Variants in HSPG2 observed in about 807,000 individuals in gnomAD.
The protein encoded by HSPG2 is basement membrane-specific heparan sulfate proteoglycan core protein.
HSPG2 carries 278 observed loss-of-function variants against 526.6 expected under a neutral mutation model. The observed-to-expected ratio is 0.53, with a 90% CI of 0.48 to 0.58. The LOEUF is 0.58. Ranked by LOEUF, HSPG2 falls within the 20% of genes least tolerant of loss-of-function variation. The pLI is 0.00. For synonymous variants in HSPG2, 2,465 were observed against 2,555.4 expected (o/e 0.96, Z 1.07); for missense variants, 5,354 against 6,099.5 (o/e 0.88, Z 4.07).
intron 1 of HSPG2, among the ~76,000 whole-genome samples, chr1:21,903,163 C>T (rs1253119160): frequency 1.3e-5 from 2 of 152,324 alleles, no homozygotes; most frequent in African/African-American, 4.8e-5. Flanking sequence ...CTCTAGTCCT[C>T]AGTTCCCATT....
rs938636799 is a variant in HSPG2 at position 21,888,213 on chromosome 1, C to T, written c.575-147G>A. ...AGGCACAACGAGGGCAAGCAGCACA[C>T]ACTAGACACATCCACAGCACACGTG... On this transcript the variant is annotated intron_variant, in intron 6 of 96. Transcript: ENST00000374695. The T allele has an allele frequency of 7.1e-5, 71 of 1,001,704 alleles. No individual in the cohort carries two copies. In the African/African-American group the frequency reaches 1.1e-3, roughly 15 times the overall value. 62.1% of individuals were successfully genotyped at this position (1,001,704 alleles called of 1,614,324 possible).
rs1639209093 is a variant in HSPG2, at chr1:21,854,842, C to A, written c.6133+6G>T. 1.3e-5 allele frequency: 21 copies of A among 1,613,776 alleles called. No individual in the cohort carries two copies. The highest frequency in any genetic ancestry group is 1.5e-5 in the Non-Finnish European group (18 of 1,179,874). Reference sequence around the variant, plus strand: ...CCCCACCCCTCCATTCCCAGAGAGTCCGTACCTGAAAGGACAACCACTTGG... The same window carrying A: ...CCCCACCCCTCCATTCCCAGAGAGTACGTACCTGAAAGGACAACCACTTGG... On this transcript the variant is annotated splice_donor_region_variant and intron_variant, in intron 48 of 96. Transcript: ENST00000374695.
At position 21,865,831 on chromosome 1, in the gene HSPG2, G is replaced by A. The variant is rs1640182736; in HGVS notation, c.4222-22C>T. 1.3e-6 allele frequency: 2 copies of A among 1,591,646 alleles called. No homozygotes were observed. The highest frequency in any genetic ancestry group is 2.7e-5 in the African/African-American group (2 of 74,496). On this transcript the variant is annotated intron_variant, in intron 33 of 96. Transcript: ENST00000374695. The surrounding 1 kb of genome is among the most constrained non-coding windows in gnomAD (Gnocchi z 5.4). ...CCACCTGCAAAGAGGCAAGCCCAGAGGTCACAGGCTGACCTTGGGGTGTGA... is the reference window on the plus strand; with the variant it reads ...CCACCTGCAAAGAGGCAAGCCCAGAAGTCACAGGCTGACCTTGGGGTGTGA...
At chr1:21,925,820 T>C (rs1644173752) in intron 1 of HSPG2, among the ~76,000 whole-genome samples, 1 of 151,920 alleles carries the variant, frequency 6.6e-6, no homozygotes, top group African/African-American at 2.4e-5. Flanking sequence ...CATTCCCAGG[T>C]GTGGCACGTA....
At chr1:21,829,855 G>A in intron 86 of HSPG2, 138 bp downstream of exon 86, 2 of 827,678 alleles carry the variant, frequency 2.4e-6, no homozygotes, top group South Asian at 3.0e-5. Context: ...GGGCAGACAT[G>A]TGGCCAGGTG....
At position 21,878,601 on chromosome 1, in the gene HSPG2, C is replaced by T. The variant is rs1203770836; in HGVS notation, c.2534G>A (p.Gly845Asp). ...CCTCTCACAGCGGCGGCCAGTGTAG[C>T]CTGGGGCACAGGCGTCACATGTGGC... Reference protein sequence around the residue: ...GQATCDACAPGYTGRRCESCA... With the variant: ...GQATCDACAPDYTGRRCESCA... The change falls in exon 19 of 97, where the codon GGC becomes GAC. Residue 845 changes from glycine to aspartate, a missense_variant. Transcript: ENST00000374695. 1.2e-6 allele frequency: 2 copies of T among 1,614,164 alleles called. No individual in the cohort carries two copies. Among genetic ancestry groups the T allele is most frequent in the East Asian group, 2.2e-5 (1 of 44,886 alleles).
At chr1:21,829,111 T>TGGGGGCACAC (rs1169409632) in intron 87 of HSPG2, 32 bp from the exon 88 acceptor site, 1 of 1,527,364 alleles carries the variant, frequency 6.5e-7, no homozygotes, top group African/African-American at 1.4e-5. Context: ...GTTGGGCACA[T>TGGGGGCACAC]GGGGGCACAC....
At position 21,835,535 on chromosome 1, in the gene HSPG2, C is replaced by A; in HGVS notation, c.10453+5G>T. The A allele has an allele frequency of 6.2e-7, 1 of 1,607,648 alleles. No homozygotes were observed. Among genetic ancestry groups the A allele is most frequent in the Non-Finnish European group, 8.5e-7 (1 of 1,174,190 alleles). On this transcript the variant is annotated splice_donor_5th_base_variant and intron_variant, in intron 76 of 96. Coordinates refer to ENST00000374695, the MANE Select transcript of HSPG2 (RefSeq NM_005529.7). Reference sequence around the variant, plus strand: ...CTTAGCAGAGGCCTGAAGCCACCCTCCTACCTTGGATAACCAGCTGGGCAC... The same window carrying A: ...CTTAGCAGAGGCCTGAAGCCACCCTACTACCTTGGATAACCAGCTGGGCAC...
At chr1:21,863,060 C>CAAAAACAAAAAAAAAAAAAAACA (rs1423127350) in intron 37 of HSPG2, among the ~76,000 whole-genome samples, 2 of 31,234 alleles carry the variant, frequency 6.4e-5, no homozygotes, top group Admixed American at 4.4e-4. Flanking sequence ...GACTCCATCT[C>CAAAAACAAAAAAAAAAAAAAACA]AAAAAAAAAA....
In HSPG2 at chr1:21,839,197, A is replaced by C. The variant is rs1456955491; in HGVS notation, c.9890-112T>G. On this transcript the variant is annotated intron_variant, in intron 73 of 96. Transcript: ENST00000374695. This position sits in a 1 kb window ranked among gnomAD's most constrained non-coding sequence, Gnocchi z 4.5. Reference sequence around the variant, plus strand: ...GAATGGTGAGCCCAGAGGACTGGGGATAAGGAAAGCAAAGGTCCCAGGCCA... The same window carrying C: ...GAATGGTGAGCCCAGAGGACTGGGGCTAAGGAAAGCAAAGGTCCCAGGCCA... The C allele has an allele frequency of 6.8e-7, 1 of 1,475,896 alleles. No individual in the cohort carries two copies. The highest frequency in any genetic ancestry group is 1.4e-5 in the African/African-American group (1 of 71,788). The allele number at this position is 1,475,896 out of a possible 1,614,324, so 91.4% of individuals were successfully genotyped here. A position where few individuals can be genotyped will look rare whatever the true frequency, so the allele number is the denominator to read the frequency against.
rs535252515 is a variant in HSPG2 at position 21,893,172 on chromosome 1, C to T, written c.245-2478G>A. Among the ~76,000 whole-genome samples, 18 of 152,208 alleles carry T rather than the reference C, an allele frequency of 1.2e-4. No individual in the cohort carries two copies. Among genetic ancestry groups the T allele is most frequent in the Non-Finnish European group, 2.2e-4 (15 of 68,036 alleles). On this transcript the variant is annotated intron_variant, in intron 3 of 96. Transcript: ENST00000374695. The surrounding 1 kb of genome is among the most constrained non-coding windows in gnomAD (Gnocchi z 4.3). ...ACTCTCTGCAACACACCCAGGCCCC[C>T]GAACTCCAGCCCTGGGTCCCTGTGG...
At position 21,826,508 on chromosome 1, in the gene HSPG2, A is replaced by G. The variant is rs374211960; in HGVS notation, c.12589+1355T>C. On this transcript the variant is annotated intron_variant, in intron 91 of 96. Coordinates refer to ENST00000374695, the MANE Select transcript of HSPG2 (RefSeq NM_005529.7). ...CGTGAGTCACCATACCCAGCTGAAT[A>G]TAGTATTTTTTTTTGAGAGGGAGTT... is the stretch of plus-strand genomic sequence containing the variant. 1.0e-4 allele frequency among the ~76,000 whole-genome samples: 15 copies of G among 149,896 alleles called. No individual in the cohort carries two copies. The East Asian group carries it at 2.8e-3, about 28-fold the overall frequency.
At chr1:21,882,447 A>C (rs1641592262) in intron 13 of HSPG2, among the ~76,000 whole-genome samples, 2 of 148,852 alleles carry the variant, frequency 1.3e-5, no homozygotes, top group Non-Finnish European at 3.0e-5. Flanking sequence ...ACACACAGTC[A>C]CCCTACATGG....
At position 21,858,760 on chromosome 1, in the gene HSPG2, C is replaced by G. The variant is rs1639540254; in HGVS notation, c.5293+806G>C. ...TCTCAGGCCACTGGAGCCCACAGTG[C>G]ACACCCATGGGTGGGACAGATGTGC... is the stretch of plus-strand genomic sequence containing the variant. On this transcript the variant is annotated intron_variant, in intron 42 of 96. Coordinates refer to ENST00000374695, the MANE Select transcript of HSPG2 (RefSeq NM_005529.7). This position sits in a 1 kb window ranked among gnomAD's most constrained non-coding sequence, Gnocchi z 4.2. Among the ~76,000 whole-genome samples, 1 of 152,234 alleles carries G rather than the reference C, an allele frequency of 6.6e-6. No homozygotes were observed. Among genetic ancestry groups the G allele is most frequent in the Non-Finnish European group, 1.5e-5 (1 of 68,048 alleles).
In HSPG2 at chr1:21,846,534, G is replaced by C. The variant is rs757137795; in HGVS notation, c.8230C>G (p.Leu2744Val). ...SSSHVAEGET[L>V]DLNCVVPGQA... ...CCGGGGACCACGCAGTTCAGATCCA[G>C]GGTCTCCCCTTCGGCCACGTGTGAG... The change falls in exon 63 of 97, where the codon CTG becomes GTG. Residue 2744 changes from leucine (L) to valine (V), a missense_variant. Leu to Val is a conservative substitution (Grantham distance 32, BLOSUM62 1). Transcript: ENST00000374695. The C allele has an allele frequency of 6.2e-7, 1 of 1,613,766 alleles. No homozygotes were observed. The highest frequency in any genetic ancestry group is 8.5e-7 in the Non-Finnish European group (1 of 1,180,026).
At chr1:21,914,141 T>C (rs1643809238) in intron 1 of HSPG2, among the ~76,000 whole-genome samples, 1 of 152,156 alleles carries the variant, frequency 6.6e-6, no homozygotes, top group African/African-American at 2.4e-5. Context: ...CACACAATGT[T>C]CTCTGCCCTT....
chr1:21,874,083 C>G, intron 28 of HSPG2, 72 bp from the exon 29 acceptor site: 1 of 1,341,514 alleles, frequency 7.5e-7, no homozygotes, highest in Admixed American at 2.0e-5. Context: ...CCTTCAGGAC[C>G]AGGGGAGAGG....
In HSPG2 at chr1:21,884,650, T is replaced by C. The variant is rs1420260902; in HGVS notation, c.1532A>G (p.Tyr511Cys). 4 of 1,611,682 alleles carry C rather than the reference T, an allele frequency of 2.5e-6. No homozygotes were observed. In the East Asian group the frequency reaches 6.7e-5, roughly 27 times the overall value. Reference sequence around the variant, plus strand: ...CAGGCAGGCGGCGCTGTGCTCCAGGTAGAAGTGGCCGTCAGGGCAGGGGCC... The same window carrying C: ...CAGGCAGGCGGCGCTGTGCTCCAGGCAGAAGTGGCCGTCAGGGCAGGGGCC... ...QRGPCPDGHFYLEHSAACLPC... is the reference protein window; with the variant it reads ...QRGPCPDGHFCLEHSAACLPC... Residue 511 changes from tyrosine (Y) to cysteine (C), a missense_variant, in exon 13 of 97, where the codon TAC (tyrosine) becomes TGC (cysteine). Transcript: ENST00000374695.
chr1:21,926,567 A>G (rs1644196882), intron 1 of HSPG2, among the ~76,000 whole-genome samples: 1 of 152,074 alleles, frequency 6.6e-6, no homozygotes, highest in African/African-American at 2.4e-5. Flanking sequence ...AGCCTGGCCA[A>G]CCTGGTGAAA....
Sources: gnomAD v4.1 joint callset for allele counts (sites outside exome capture counted in the v4.1 genomes callset) on GRCh38, gnomAD v4.1.1 for gene constraint, Gnocchi (gnomAD v3.1) non-coding constraint, MANE v1.5 for transcripts, NCBI Gene and HGNC (gene_info 2026-07-23, HGNC 2026-07-21) for gene names.